The following TAFA1 variants were observed in gnomAD, a reference collection of about 807,000 sequenced individuals.
The protein encoded by TAFA1 is chemokine-like protein TAFA-1.
A neutral mutation model predicts 18.5 loss-of-function variants in TAFA1; 4 were observed. The ratio of observed to expected loss-of-function variants is 0.22; its 90% CI spans 0.11 to 0.49. The LOEUF is 0.49. Among genes scored for constraint, TAFA1 ranks in the 20% least tolerant of loss-of-function variants. The pLI is 0.98. For synonymous variants in TAFA1, 56 were observed against 55.2 expected (o/e 1.01, Z -0.06); for missense variants, 147 against 169.0 (o/e 0.87, Z 0.72).
intron 2 of TAFA1, among the ~76,000 whole-genome samples, chr3:68,067,114 G>A (rs933987140): frequency 3.9e-5 from 6 of 152,132 alleles, no homozygotes; most frequent in Admixed American, 2.0e-4. Context: ...ATATTGGCCA[G>A]GATTCAAGTT....
intron 3 of TAFA1, among the ~76,000 whole-genome samples, chr3:68,461,590 A>T (rs893449310): frequency 6.6e-6 from 1 of 151,450 alleles, no homozygotes; most frequent in Admixed American, 6.6e-5. Context: ...TCCTTTCATA[A>T]GGAAACTCTA....
At chr3:68,370,367 CATATATATAT>C (rs1216266897) in intron 2 of TAFA1, among the ~76,000 whole-genome samples, 18 of 56,676 alleles carry the variant, frequency 3.2e-4, no homozygotes, top group South Asian at 6.3e-4. Context: ...CACACACACA[CATATATATAT>C]ACACATATAT....
At chr3:68,135,456 A>G (rs2065596074) in intron 2 of TAFA1, among the ~76,000 whole-genome samples, 1 of 152,214 alleles carries the variant, frequency 6.6e-6, no homozygotes, top group African/African-American at 2.4e-5. Context: ...GCATGGAAAA[A>G]GAAGCACACA....
At chr3:68,018,567 T>C (rs904232304) in intron 2 of TAFA1, among the ~76,000 whole-genome samples, 7 of 152,172 alleles carry the variant, frequency 4.6e-5, no homozygotes, top group African/African-American at 1.7e-4. Context: ...CTATAGTCCC[T>C]GGTATAACTC....
At chr3:68,220,449 T>A (rs2066715386) in intron 2 of TAFA1, among the ~76,000 whole-genome samples, 1 of 152,146 alleles carries the variant, frequency 6.6e-6, no homozygotes, top group Admixed American at 6.5e-5. Context: ...TCTTTTAATT[T>A]GTCTACAATT....
chr3:68,266,967 A>G (rs368048542), intron 2 of TAFA1, among the ~76,000 whole-genome samples: 17 of 148,176 alleles, frequency 1.1e-4, no homozygotes, highest in East Asian at 1.0e-3. Context: ...AGTTTCTCCT[A>G]TGAATATTGC....
At chr3:68,531,076 G>A (rs533502852) in intron 3 of TAFA1, among the ~76,000 whole-genome samples, 14 of 149,932 alleles carry the variant, frequency 9.3e-5, no homozygotes, top group Non-Finnish European at 1.5e-4. Flanking sequence ...GGGGAAGCAA[G>A]CTGGGGTTTT....
chr3:68,343,598 A>T (rs996884559), intron 2 of TAFA1, among the ~76,000 whole-genome samples: 2 of 152,146 alleles, frequency 1.3e-5, no homozygotes, highest in Non-Finnish European at 2.9e-5. Flanking sequence ...ATATTTTAAA[A>T]TTTCTGGGAA....
At chr3:68,335,853 G>T (rs577558233) in intron 2 of TAFA1, among the ~76,000 whole-genome samples, 4 of 152,280 alleles carry the variant, frequency 2.6e-5, no homozygotes, top group Admixed American at 6.5e-5. Context: ...TGACATAGAA[G>T]ATTTACTTAT....
intron 3 of TAFA1, among the ~76,000 whole-genome samples, chr3:68,496,626 T>A (rs2072554925): frequency 6.6e-6 from 1 of 152,162 alleles, no homozygotes; most frequent in African/African-American, 2.4e-5. Context: ...TGTGTTGTTT[T>A]GAGCCACCTA....
At chr3:68,280,473 A>G (rs1052864900) in intron 2 of TAFA1, among the ~76,000 whole-genome samples, 1 of 152,088 alleles carries the variant, frequency 6.6e-6, no homozygotes, top group Non-Finnish European at 1.5e-5. Context: ...AATTAGGAAA[A>G]TTTTCAGATG....
intron 2 of TAFA1, among the ~76,000 whole-genome samples, chr3:68,304,262 C>G (rs1413720280): frequency 6.6e-6 from 1 of 152,128 alleles, no homozygotes; most frequent in Non-Finnish European, 1.5e-5. Flanking sequence ...ATCCAAAATT[C>G]AAAATACTAG....
At position 68,496,978 on chromosome 3, in the gene TAFA1, TAGAG is replaced by T. The variant is rs147931074; in HGVS notation, c.260-41768_260-41765del. Among the ~76,000 whole-genome samples, 32 of 151,946 alleles carry T rather than the reference TAGAG, an allele frequency of 2.1e-4. 1 individual carries two copies. In the East Asian group the frequency reaches 6.2e-3, roughly 29 times the overall value. On this transcript the variant is annotated intron_variant, in intron 3 of 4. Coordinates refer to ENST00000478136, the MANE Select transcript of TAFA1 (RefSeq NM_213609.4). The stretch of plus-strand genomic sequence containing the variant: ...GTTGTTACTTCTTGTCAGCTTTTAG[TAGAG>T]AGAGAGAGACCTTTGAACTGCCTTC...
intron 2 of TAFA1, among the ~76,000 whole-genome samples, chr3:68,342,878 A>C (rs190635889): frequency 6.6e-6 from 1 of 152,336 alleles, no homozygotes; most frequent in East Asian, 1.9e-4. Flanking sequence ...TAATAACTAT[A>C]ATTTTACTTT....
chr3:68,024,882 T>G (rs533586403), intron 2 of TAFA1, among the ~76,000 whole-genome samples: 1 of 150,236 alleles, frequency 6.7e-6, no homozygotes, highest in South Asian at 2.1e-4. Context: ...AAATAAAGAG[T>G]TGGAAGTTGC....
chr3:68,258,093 A>G (rs942378195), intron 2 of TAFA1, among the ~76,000 whole-genome samples: 3 of 152,198 alleles, frequency 2.0e-5, no homozygotes, highest in Admixed American at 6.5e-5. Context: ...GAAAAGGACT[A>G]AAGTGAAAAA....
At chr3:68,412,535 C>T (rs1034621143) in intron 2 of TAFA1, among the ~76,000 whole-genome samples, 3 of 152,118 alleles carry the variant, frequency 2.0e-5, no homozygotes, top group Non-Finnish European at 2.9e-5. Context: ...TCAACCCCCA[C>T]TCCACAACAG....
chr3:68,209,915 A>G (rs184731890), intron 2 of TAFA1, among the ~76,000 whole-genome samples: 9 of 152,086 alleles, frequency 5.9e-5, no homozygotes, highest in Admixed American at 1.3e-4. Flanking sequence ...TAGTAGCTGA[A>G]ATTGTGGGCC....
At chr3:68,525,117 A>G (rs561145909) in intron 3 of TAFA1, among the ~76,000 whole-genome samples, 7 of 152,334 alleles carry the variant, frequency 4.6e-5, no homozygotes, top group Admixed American at 4.6e-4. Context: ...TTGCAAACAG[A>G]TCCATCTGAA....
Sources: gnomAD v4.1 joint callset for allele counts (sites outside exome capture counted in the v4.1 genomes callset) on GRCh38, gnomAD v4.1.1 for gene constraint, MANE v1.5 for transcripts, NCBI Gene and HGNC (gene_info 2026-07-23, HGNC 2026-07-21) for gene names.